Variants in PTH2R observed in about 807,000 individuals in gnomAD.
The protein encoded by PTH2R is PTH2 receptor.
In PTH2R, 59 loss-of-function variants were observed where a neutral mutation model predicts 60.3. That is an observed-to-expected ratio of 0.98 (90% CI 0.79 to 1.22). The LOEUF is 1.22. Ranked by LOEUF, PTH2R falls within the 50% of genes most tolerant of loss-of-function variation. The probability of loss-of-function intolerance (pLI) is 0.00; values close to 1 mark genes in which losing one functional copy is unlikely to be tolerated. For missense variants in PTH2R, 749 were observed against 682.6 expected (o/e 1.10, Z -1.08); for synonymous variants, 256 against 243.8 (o/e 1.05, Z -0.47).
upstream of PTH2R, among the ~76,000 whole-genome samples, chr2:208,405,393 C>A (rs1429370813): frequency 6.6e-6 from 1 of 152,120 alleles, no homozygotes; most frequent in Non-Finnish European, 1.5e-5. Context: ...AAAAAACCCT[C>A]CGCACTGATC....
At chr2:208,385,878 G>T (rs189133383) in intron 1 of PTH2R, among the ~76,000 whole-genome samples, 1 of 152,164 alleles carries the variant, frequency 6.6e-6, no homozygotes, top group Non-Finnish European at 1.5e-5. Context: ...TTCAAAGAGC[G>T]TTTTCATATT....
At chr2:208,408,740 A>AGAGAGAGAGAGAGAGAG (rs1553542827) in intron 1 of PTH2R, among the ~76,000 whole-genome samples, 19 of 123,356 alleles carry the variant, frequency 1.5e-4, no homozygotes, top group African/African-American at 7.0e-4. Flanking sequence ...GAGAGAGAGA[A>AGAGAGAGAGAGAGAGAG]AGAGAGAGAG....
At chr2:208,462,840 G>A (rs1702660901) in intron 9 of PTH2R, among the ~76,000 whole-genome samples, 1 of 152,188 alleles carries the variant, frequency 6.6e-6, no homozygotes. Flanking sequence ...ATAATGTCAA[G>A]AGCTGAGGCT....
intron 1 of PTH2R, among the ~76,000 whole-genome samples, chr2:208,408,840 A>T (rs1701480981): frequency 6.6e-6 from 1 of 152,182 alleles, no homozygotes; most frequent in South Asian, 2.1e-4. Context: ...CAATCAGGAC[A>T]TTGAATACTT....
At chr2:208,450,663 G>A (rs1159847578) in intron 7 of PTH2R, 86 bp from the exon 8 acceptor site, 1 of 1,318,388 alleles carries the variant, frequency 7.6e-7, no homozygotes. Flanking sequence ...ACAGCTAATA[G>A]TATATTCTTA....
At chr2:208,472,127 G>A (rs1198962257) in intron 9 of PTH2R, among the ~76,000 whole-genome samples, 1 of 152,128 alleles carries the variant, frequency 6.6e-6, no homozygotes, top group Non-Finnish European at 1.5e-5. Flanking sequence ...CAGACTCATA[G>A]GCAGAAGGGA....
intron 1 of PTH2R, among the ~76,000 whole-genome samples, chr2:208,362,802 G>T (rs1313033643): frequency 6.6e-6 from 1 of 151,464 alleles, no homozygotes; most frequent in Admixed American, 6.6e-5. Context: ...AGTGCACAGG[G>T]TTTCAATTTC....
chr2:208,476,459 A>G (rs1703006375), intron 9 of PTH2R, among the ~76,000 whole-genome samples: 1 of 152,222 alleles, frequency 6.6e-6, no homozygotes, highest in South Asian at 2.1e-4. Context: ...TCTCCAAGTT[A>G]TAAATTGAAT....
chr2:208,407,199 C>G, intron 1 of PTH2R, 81 bp downstream of exon 1: 1 of 1,211,546 alleles, frequency 8.3e-7, no homozygotes, highest in Non-Finnish European at 1.1e-6. Flanking sequence ...AGGCCAGGTG[C>G]GCGCGAGAGC....
At chr2:208,456,251 AAG>A (rs961020490) in intron 8 of PTH2R, among the ~76,000 whole-genome samples, 8 of 152,240 alleles carry the variant, frequency 5.3e-5, no homozygotes, top group African/African-American at 7.2e-5. Context: ...CAAAAAAAAA[AAG>A]AGTGTTATTT....
chr2:208,390,054 G>A (rs1214941058), intron 1 of PTH2R, among the ~76,000 whole-genome samples: 1 of 152,154 alleles, frequency 6.6e-6, no homozygotes, highest in Non-Finnish European at 1.5e-5. Flanking sequence ...ACCAGGAGAG[G>A]CGATTCTGAA....
rs552308424 is a variant in PTH2R at position 208,459,904 on chromosome 2, A to G, written c.924A>G (p.Glu308=). 5.0e-4 allele frequency: 802 copies of G among 1,612,554 alleles called. 15 individuals carry two copies. In the South Asian group the frequency reaches 8.2e-3, roughly 17 times the overall value. ...TTTTTCAATGTCTCAGGTGCTGGGA[A>G]CTTAGTGCTGGAGACATCAAGTGGA... is the stretch of plus-strand genomic sequence containing the variant. ...RATLADARCW[E]LSAGDIKWIY... Residue 308 remains glutamate (E), a synonymous_variant, in exon 9 of 13, where the codon GAA becomes GAG. Coordinates refer to ENST00000272847, the MANE Select transcript of PTH2R (RefSeq NM_005048.4).
intron 2 of PTH2R, among the ~76,000 whole-genome samples, chr2:208,431,217 A>G (rs1701965305): frequency 2.0e-5 from 3 of 152,136 alleles, no homozygotes; most frequent in Admixed American, 2.0e-4. Flanking sequence ...CAATCCATCC[A>G]TTAGTAAATT....
chr2:208,397,964 C>G (rs1008163453), intron 1 of PTH2R, among the ~76,000 whole-genome samples: 1 of 152,198 alleles, frequency 6.6e-6, no homozygotes, highest in Non-Finnish European at 1.5e-5. Flanking sequence ...GAAAAATAAA[C>G]TTCCCAAGGA....
intron 4 of PTH2R, among the ~76,000 whole-genome samples, chr2:208,441,477 A>T (rs1273877265): frequency 6.6e-6 from 1 of 152,080 alleles, no homozygotes; most frequent in African/African-American, 2.4e-5. Flanking sequence ...AACATGGAAA[A>T]CGCTTGTTGA....
chr2:208,392,470 T>G (rs925884767), intron 1 of PTH2R, among the ~76,000 whole-genome samples: 7 of 152,150 alleles, frequency 4.6e-5, no homozygotes, highest in African/African-American at 1.7e-4. Context: ...CTATTCTTCC[T>G]TGAGTTGCTC....
chr2:208,443,912 A>G (rs1702237448), intron 6 of PTH2R, among the ~76,000 whole-genome samples: 1 of 152,152 alleles, frequency 6.6e-6, no homozygotes, highest in Non-Finnish European at 1.5e-5. Context: ...TAGTCCCTTT[A>G]TTGAGTACTC....
At position 208,493,552 on chromosome 2, in the gene PTH2R, G is replaced by C. The variant is rs375358376; in HGVS notation, c.1546G>C (p.Asp516His). 9.9e-6 allele frequency: 16 copies of C among 1,613,772 alleles called. No homozygotes were observed. The highest frequency in any genetic ancestry group is 1.4e-5 in the Non-Finnish European group (16 of 1,179,850). Residue 516 changes from aspartate (D) to histidine (H), a missense_variant, in exon 13 of 13, where the codon GAT becomes CAT. Coordinates refer to ENST00000272847, the MANE Select transcript of PTH2R (RefSeq NM_005048.4). ...CTCTTTCCACGAGGAGACCAAGGAA[G>C]ATAGTGGGAGGCAGGGAGATGATAT... ...PHSFHEETKE[D>H]SGRQGDDILM...
At chr2:208,425,907 C>G (rs753906720) in intron 1 of PTH2R, among the ~76,000 whole-genome samples, 1 of 152,188 alleles carries the variant, frequency 6.6e-6, no homozygotes, top group Non-Finnish European at 1.5e-5. Context: ...GGATCTGTAG[C>G]CTGCTCTGCT....
Sources: allele counts gnomAD v4.1 joint callset (sites outside exome capture counted in the v4.1 genomes callset), GRCh38; gene constraint gnomAD v4.1.1; transcripts MANE v1.5; gene names NCBI Gene and HGNC (gene_info 2026-07-23, HGNC 2026-07-21).